BANK1: variants seen among roughly 807,000 people sequenced by gnomAD.
BANK1 encodes the protein B-cell scaffold protein with ankyrin repeats.
In BANK1, 95 loss-of-function variants were observed where a neutral mutation model predicts 94.5. The observed-to-expected ratio is 1.00, with a 90% confidence interval of 0.85 to 1.19. The LOEUF (loss-of-function observed/expected upper bound fraction) is 1.19, where lower values mean the gene tolerates loss of function less well. BANK1 is among the 50% of genes most tolerant of loss of function. The pLI, the probability that BANK1 is intolerant of heterozygous loss-of-function variation, is 0.00. For missense variants in BANK1, 987 were observed against 932.2 expected (o/e 1.06, Z -0.77); for synonymous variants, 334 against 308.4 (o/e 1.08, Z -0.87).
chr4:102,046,023 C>T (rs1464260703), intron 11 of BANK1, among the ~76,000 whole-genome samples: 9 of 148,122 alleles, frequency 6.1e-5, no homozygotes, highest in South Asian at 2.2e-4. Flanking sequence ...GGAGGCATCA[C>T]GCTACCTGAC....
chr4:102,060,212 C>A lies in BANK1; in HGVS notation c.1971C>A (p.Asp657Glu), dbSNP rs1372214886. Residue 657 changes from aspartate (D) to glutamate (E), a missense_variant and splice_region_variant, in exon 12 of 17, where the codon GAC (aspartate) becomes GAA (glutamate). Asp to Glu is a conservative substitution (Grantham distance 45). Transcript: ENST00000322953. ...ATGCACCCTCCCCTTGTATTTTAGA[C>A]AGAGCTCGGATAGAGAGTCCAGCCT... ...DKFCGLPKKQ[D>E]RARIESPAFS... is the part of the protein sequence containing the mutation. 4.5e-6 allele frequency: 7 copies of A among 1,563,328 alleles called. No individual in the cohort carries two copies. In the Admixed American group the frequency reaches 9.0e-5, roughly 20 times the overall value.
chr4:101,855,062 T>C lies in BANK1; in HGVS notation c.497T>C (p.Ile166Thr), dbSNP rs572526879. 1 of 1,612,700 alleles carries C rather than the reference T, an allele frequency of 6.2e-7. No individual in the cohort carries two copies. The change falls in exon 3 of 17, where the codon ATT (isoleucine) becomes ACT (threonine). Residue 166 changes from isoleucine (I) to threonine (T), a missense_variant. By Grantham distance (89) the Ile-to-Thr change is moderately conservative. Coordinates refer to ENST00000322953, the MANE Select transcript of BANK1 (RefSeq NM_017935.5). ...TCTGAAGACTACTTTGAGGTCAACA[T>C]TCCAACAGACCTACGAGCAAAACAT... Reference protein sequence around the residue: ...KDSEDYFEVNIPTDLRAKHSG... With the variant: ...KDSEDYFEVNTPTDLRAKHSG...
intron 10 of BANK1, chr4:102,032,177 T>G (rs1166305508): frequency 1.3e-5 from 2 of 152,208 alleles, no homozygotes; most frequent in Non-Finnish European, 2.9e-5. Flanking sequence ...TACAAAAAGT[T>G]AGTTATACTC....
At chr4:101,899,111 AC>A (rs1722189715) in intron 6 of BANK1, among the ~76,000 whole-genome samples, 3 of 151,916 alleles carry the variant, frequency 2.0e-5, no homozygotes, top group Admixed American at 1.3e-4. Context: ...TGCATTTTAA[AC>A]CCCCTGAGAA....
chr4:102,020,839 A>G (rs986526983), intron 7 of BANK1, among the ~76,000 whole-genome samples: 5 of 152,176 alleles, frequency 3.3e-5, no homozygotes, highest in Non-Finnish European at 7.4e-5. Context: ...ATGCTTTTGC[A>G]CAAATAGAAC....
At chr4:101,940,003 C>A (rs1256284740) in intron 7 of BANK1, among the ~76,000 whole-genome samples, 1 of 151,696 alleles carries the variant, frequency 6.6e-6, no homozygotes, top group Non-Finnish European at 1.5e-5. Flanking sequence ...CCTAGCTTCC[C>A]TATTGACCAT....
intron 7 of BANK1, among the ~76,000 whole-genome samples, chr4:101,953,137 A>G (rs1446572519): frequency 6.6e-6 from 1 of 152,184 alleles, no homozygotes; most frequent in Non-Finnish European, 1.5e-5. Flanking sequence ...ATGAAAAAAG[A>G]AATTGTATTA....
chr4:102,022,493 C>T (rs1189586802), intron 8 of BANK1, among the ~76,000 whole-genome samples: 1 of 152,132 alleles, frequency 6.6e-6, no homozygotes, highest in Non-Finnish European at 1.5e-5. Flanking sequence ...CCCTTGTTTA[C>T]TGCAATAACA....
intron 7 of BANK1, among the ~76,000 whole-genome samples, chr4:101,924,781 G>T (rs1228651302): frequency 6.6e-6 from 1 of 151,706 alleles, no homozygotes; most frequent in Non-Finnish European, 1.5e-5. Context: ...TGTGTGATTT[G>T]TATTTCCAAT....
chr4:101,880,185 AAAAAACTAAAGACTTCACC>A (rs1340633834), intron 5 of BANK1, among the ~76,000 whole-genome samples: 1 of 152,084 alleles, frequency 6.6e-6, no homozygotes, highest in African/African-American at 2.4e-5. Flanking sequence ...TATATTTGGA[AAAAAACTAAAGACTTCACC>A]AAAAACTATT....
chr4:101,978,468 A>G (rs1303628476), intron 7 of BANK1, among the ~76,000 whole-genome samples: 1 of 152,100 alleles, frequency 6.6e-6, no homozygotes, highest in Admixed American at 6.6e-5. Context: ...ATTAGTTGCT[A>G]TTATTACAAT....
chr4:101,894,491 T>C (rs1458404202), intron 5 of BANK1, among the ~76,000 whole-genome samples: 1 of 152,078 alleles, frequency 6.6e-6, no homozygotes, highest in Admixed American at 6.6e-5. Flanking sequence ...GTTATTTAAT[T>C]TGTGACTATG....
chr4:101,797,951 C>T (rs1240913243), intron 1 of BANK1, among the ~76,000 whole-genome samples: 1 of 152,136 alleles, frequency 6.6e-6, no homozygotes, highest in Non-Finnish European at 1.5e-5. Flanking sequence ...GGAAAACAAA[C>T]ATTTCAGTGT....
chr4:101,824,214 T>G (rs1340069285), intron 1 of BANK1, among the ~76,000 whole-genome samples: 3 of 152,196 alleles, frequency 2.0e-5, no homozygotes, highest in Admixed American at 1.3e-4. Context: ...GCTAATGAGC[T>G]GCTGGGCAGG....
At chr4:101,886,578 AC>A (rs1216580638) in intron 5 of BANK1, among the ~76,000 whole-genome samples, 1 of 152,212 alleles carries the variant, frequency 6.6e-6, no homozygotes, top group African/African-American at 2.4e-5. Context: ...CAAAATGGTT[AC>A]TAAAAAGAGG....
intron 1 of BANK1, among the ~76,000 whole-genome samples, chr4:101,808,746 GA>G (rs1725645101): frequency 6.6e-6 from 1 of 151,934 alleles, no homozygotes; most frequent in South Asian, 2.1e-4. Context: ...ACAAACATAT[GA>G]AAAATGCTCA....
intron 7 of BANK1, among the ~76,000 whole-genome samples, chr4:102,019,597 T>A (rs1417025453): frequency 6.6e-6 from 1 of 152,210 alleles, no homozygotes; most frequent in Non-Finnish European, 1.5e-5. Context: ...AAAGTCTATG[T>A]TCTGTCTACT....
chr4:101,807,599 T>C (rs1725599633), intron 1 of BANK1, among the ~76,000 whole-genome samples: 1 of 152,194 alleles, frequency 6.6e-6, no homozygotes, highest in African/African-American at 2.4e-5. Flanking sequence ...TTCCAGAAAG[T>C]TGAAACAAAG....
intron 7 of BANK1, among the ~76,000 whole-genome samples, chr4:101,943,004 C>G (rs981001447): frequency 1.3e-5 from 2 of 151,798 alleles, no homozygotes; most frequent in African/African-American, 4.8e-5. Flanking sequence ...GCCATTCTAC[C>G]TCTAAATTGA....
Sources: gnomAD v4.1 joint callset for allele counts (sites outside exome capture counted in the v4.1 genomes callset) on GRCh38, gnomAD v4.1.1 for gene constraint, MANE v1.5 for transcripts, NCBI Gene and HGNC (gene_info 2026-07-23, HGNC 2026-07-21) for gene names.